NME7: variants seen among roughly 807,000 people sequenced by gnomAD.
The protein encoded by NME7 is NME/NM23 family member 7.
In NME7, 41 loss-of-function variants were observed where a neutral mutation model predicts 49.1. The ratio of observed to expected loss-of-function variants is 0.83; its 90% confidence interval spans 0.65 to 1.08. The LOEUF is 1.08. NME7 is among the 50% of genes least tolerant of loss of function. NME7 has a pLI of 0.00. For synonymous variants in NME7, 139 were observed against 150.6 expected (o/e 0.92, Z 0.56); for missense variants, 423 against 463.4 (o/e 0.91, Z 0.80).
At chr1:169,335,789 G>T (rs367714683) in intron 1 of NME7, among the ~76,000 whole-genome samples, 19 of 145,800 alleles carry the variant, frequency 1.3e-4, no homozygotes, top group East Asian at 7.9e-4. Context: ...TTTCAGAAGA[G>T]ATATATATAT....
At chr1:169,192,639 T>G (rs1479085903) in intron 10 of NME7, among the ~76,000 whole-genome samples, 1 of 152,178 alleles carries the variant, frequency 6.6e-6, no homozygotes, top group African/African-American at 2.4e-5. Flanking sequence ...TCAACCCTCC[T>G]TTGCATAAGT....
At chr1:169,214,132 T>TA (rs1410423247) in intron 10 of NME7, among the ~76,000 whole-genome samples, 2 of 152,138 alleles carry the variant, frequency 1.3e-5, no homozygotes, top group African/African-American at 4.8e-5. Context: ...ACAAACCAAG[T>TA]ATAAAGAATG....
At chr1:169,292,603 G>A (rs1199756322) in intron 6 of NME7, among the ~76,000 whole-genome samples, 1 of 152,118 alleles carries the variant, frequency 6.6e-6, no homozygotes, top group Admixed American at 6.6e-5. Flanking sequence ...TATAAGGCTG[G>A]AGGAGGGGCT....
At chr1:169,212,674 C>T (rs12121395) in intron 10 of NME7, among the ~76,000 whole-genome samples, 56,579 of 150,072 alleles carry the variant, frequency 0.38, 11,352 homozygotes, top group East Asian at 0.79. Flanking sequence ...CTGTCATGGC[C>T]CACTGCAGCC....
At chr1:169,246,545 C>T (rs1372621020) in intron 7 of NME7, among the ~76,000 whole-genome samples, 1 of 152,128 alleles carries the variant, frequency 6.6e-6, no homozygotes, top group Non-Finnish European at 1.5e-5. Flanking sequence ...TACCAATTTC[C>T]TAACAAGAAC....
chr1:169,164,089 A>G (rs142434192), intron 11 of NME7, among the ~76,000 whole-genome samples: 4 of 148,190 alleles, frequency 2.7e-5, no homozygotes, highest in Non-Finnish European at 5.9e-5. Context: ...CAGCCTGGGC[A>G]ACAGAGCGAG....
At chr1:169,162,035 T>C (rs1166023345) in intron 11 of NME7, among the ~76,000 whole-genome samples, 1 of 152,196 alleles carries the variant, frequency 6.6e-6, no homozygotes, top group Non-Finnish European at 1.5e-5. Context: ...ACTGATCCTG[T>C]GGCCCCACCC....
At chr1:169,149,512 C>G (rs779172089) in intron 11 of NME7, among the ~76,000 whole-genome samples, 19 of 152,186 alleles carry the variant, frequency 1.2e-4, no homozygotes, top group Non-Finnish European at 2.1e-4. Flanking sequence ...ACATATAGTA[C>G]CAAACCCTAC....
intron 2 of NME7, 84 bp downstream of exon 2, chr1:169,324,309 T>G: frequency 2.6e-6 from 2 of 781,928 alleles, no homozygotes; most frequent in Non-Finnish European, 4.3e-6. Context: ...TATAAATGTG[T>G]TTTTAAAAAG....
intron 11 of NME7, among the ~76,000 whole-genome samples, chr1:169,145,245 T>A (rs1658715344): frequency 6.6e-6 from 1 of 152,170 alleles, no homozygotes. Flanking sequence ...ACTCAACAGA[T>A]TAAGCTATTT....
intron 1 of NME7, among the ~76,000 whole-genome samples, chr1:169,326,677 C>G (rs546827581): frequency 6.6e-6 from 1 of 152,288 alleles, no homozygotes; most frequent in Non-Finnish European, 1.5e-5. Context: ...AAATTATATT[C>G]AAACTTGATT....
chr1:169,169,335 A>G, intron 11 of NME7, 112 bp downstream of exon 11: 1 of 887,156 alleles, frequency 1.1e-6, no homozygotes, highest in Non-Finnish European at 1.8e-6. Flanking sequence ...TGCACATGTA[A>G]CCTAGAACTT....
intron 1 of NME7, among the ~76,000 whole-genome samples, chr1:169,327,367 C>T (rs1652096233): frequency 6.6e-6 from 1 of 152,188 alleles, no homozygotes; most frequent in Non-Finnish European, 1.5e-5. Context: ...CTCTTTTGAA[C>T]ATTTTAAATA....
At chr1:169,367,335 T>C (rs1653911292) in intron 1 of NME7, among the ~76,000 whole-genome samples, 1 of 152,150 alleles carries the variant, frequency 6.6e-6, no homozygotes, top group Non-Finnish European at 1.5e-5. Context: ...AGATCAGTGT[T>C]GAGACAGTCA....
chr1:169,325,206 A>G (rs1652016463), intron 1 of NME7, among the ~76,000 whole-genome samples: 1 of 152,146 alleles, frequency 6.6e-6, no homozygotes, highest in Non-Finnish European at 1.5e-5. Flanking sequence ...GTTAAGTGGA[A>G]TCATCCCACA....
At chr1:169,367,261 G>A (rs568009158) in intron 1 of NME7, among the ~76,000 whole-genome samples, 7 of 152,144 alleles carry the variant, frequency 4.6e-5, no homozygotes, top group East Asian at 1.9e-4. Flanking sequence ...TGGCCCTCGT[G>A]GGGGCGTGGG....
At chr1:169,355,257 ATATATAATATATTGTATAT>A in intron 1 of NME7, among the ~76,000 whole-genome samples, 1 of 73,974 alleles carries the variant, frequency 1.4e-5, no homozygotes, top group Non-Finnish European at 2.3e-5. Flanking sequence ...TATTATATCT[ATATATAATATATTGTATAT>A]TATATATAAT....
At chr1:169,149,884 G>A (rs1658860092) in intron 11 of NME7, among the ~76,000 whole-genome samples, 1 of 152,380 alleles carries the variant, frequency 6.6e-6, no homozygotes, top group South Asian at 2.1e-4. Flanking sequence ...GATAAGGGGA[G>A]ATTACTGTGA....
chr1:169,137,030 G>T (rs1411315865), intron 11 of NME7, among the ~76,000 whole-genome samples: 1 of 152,190 alleles, frequency 6.6e-6, no homozygotes, highest in Non-Finnish European at 1.5e-5. Context: ...TAAAATATGT[G>T]TGCCTGTGTC....
Sources: allele counts gnomAD v4.1 joint callset (sites outside exome capture counted in the v4.1 genomes callset), GRCh38; gene constraint gnomAD v4.1.1; transcripts MANE v1.5; gene names NCBI Gene and HGNC (gene_info 2026-07-23, HGNC 2026-07-21).